Variants in TNFRSF19 observed in about 807,000 individuals in gnomAD.
TNFRSF19 encodes TNF receptor superfamily member 19, also known as tumor necrosis factor receptor superfamily member 19.
In TNFRSF19, 27 loss-of-function variants were observed where a neutral mutation model predicts 46.4. That is an observed-to-expected ratio of 0.58 (90% confidence interval 0.43 to 0.80). TNFRSF19 has a LOEUF of 0.80. TNFRSF19 is among the 30% of genes least tolerant of loss of function. The pLI is 0.00. For synonymous variants in TNFRSF19, 204 were observed against 205.0 expected, an observed-to-expected ratio of 1.00 and a Z score of 0.04; for missense variants, 511 against 530.8, an observed-to-expected ratio of 0.96 and a Z score of 0.37.
chr13:23,674,359 C>T lies in TNFRSF19; in HGVS notation c.*979C>T, dbSNP rs1028285213. 1.3e-5 allele frequency: 2 copies of T among 152,166 alleles called. No homozygotes were observed. Among genetic ancestry groups the T allele is most frequent in the South Asian group, 4.1e-4 (2 of 4,832 alleles). The allele number at this position is 152,166 out of a possible 1,614,324, so 9.4% of individuals were successfully genotyped here. Reference sequence around the variant, plus strand: ...TGAAGTAGCCTTCCGTGAGAACACACCACATGTTAGGACTAGAAGAAAATG... The same window carrying T: ...TGAAGTAGCCTTCCGTGAGAACACATCACATGTTAGGACTAGAAGAAAATG... On this transcript the variant is annotated 3_prime_UTR_variant, in exon 10 of 10. Transcript: ENST00000248484.
intron 3 of TNFRSF19, among the ~76,000 whole-genome samples, chr13:23,613,864 C>A (rs2871989): frequency 1.3e-5 from 2 of 152,134 alleles, no homozygotes; most frequent in African/African-American, 4.8e-5. Context: ...ATGATCACCC[C>A]GCAAAGACCC....
intron 3 of TNFRSF19, among the ~76,000 whole-genome samples, chr13:23,608,416 T>C (rs1320093428): frequency 6.6e-6 from 1 of 152,246 alleles, no homozygotes; most frequent in Admixed American, 6.5e-5. Context: ...ACAACATATG[T>C]TTTAAATAGG....
chr13:23,613,024 A>G (rs1435941808), intron 3 of TNFRSF19, among the ~76,000 whole-genome samples: 1 of 152,244 alleles, frequency 6.6e-6, no homozygotes, highest in Non-Finnish European at 1.5e-5. Flanking sequence ...TTTGTGTTCC[A>G]CTAAACTTGT....
chr13:23,590,344 A>AT (rs1008447408), intron 2 of TNFRSF19, 92 bp downstream of exon 2: 172 of 785,490 alleles, frequency 2.2e-4, no homozygotes, highest in Non-Finnish European at 2.6e-4. Flanking sequence ...TTTATTTTTT[A>AT]TTTTTTTTGA....
intron 5 of TNFRSF19, among the ~76,000 whole-genome samples, chr13:23,648,506 A>G (rs1883454404): frequency 2.0e-5 from 3 of 152,146 alleles, no homozygotes; most frequent in African/African-American, 7.2e-5. Flanking sequence ...ATCGTTTTCA[A>G]CATGTAAGGT....
At chr13:23,665,428 T>A (rs1951610947) in intron 7 of TNFRSF19, among the ~76,000 whole-genome samples, 1 of 152,220 alleles carries the variant, frequency 6.6e-6, no homozygotes, top group Admixed American at 6.5e-5. Context: ...TCAGTGCAGC[T>A]TATTTCAAAT....
chr13:23,593,441 A>C lies in TNFRSF19; in HGVS notation c.166A>C (p.Met56Leu), dbSNP rs769440982. 5.0e-6 allele frequency: 8 copies of C among 1,603,000 alleles called. No homozygotes were observed. Among genetic ancestry groups the C allele is most frequent in the Non-Finnish European group, 6.8e-6 (8 of 1,177,148 alleles). Residue 56 changes from methionine (M) to leucine (L), a missense_variant, in exon 3 of 10, where the codon ATG becomes CTG. Met to Leu is a conservative substitution (Grantham distance 15, BLOSUM62 2). This residue lies in a region of TNFRSF19 where 121 missense variants were observed against 124.1 expected (regional missense o/e 0.98). Coordinates refer to ENST00000248484, the MANE Select transcript of TNFRSF19 (RefSeq NM_148957.4). ...TCCCTGCAACCAGTGTGGGCCAGGC[A>C]TGGAGTTGTCTAAGGTATATTGGAT... ...CVPCNQCGPGMELSKECGFGY... is the reference protein window; with the variant it reads ...CVPCNQCGPGLELSKECGFGY...
intron 5 of TNFRSF19, among the ~76,000 whole-genome samples, chr13:23,635,947 T>C (rs1341940283): frequency 1.3e-5 from 2 of 152,240 alleles, no homozygotes; most frequent in Non-Finnish European, 2.9e-5. Context: ...GTATAACTTA[T>C]GTAATCATTT....
At chr13:23,582,062 G>T (rs1878475153) in intron 1 of TNFRSF19, among the ~76,000 whole-genome samples, 1 of 151,998 alleles carries the variant, frequency 6.6e-6, no homozygotes, top group African/African-American at 2.4e-5. Context: ...AAATATATTT[G>T]TCCTGTGGCA....
rs1053068859 is a variant in TNFRSF19, at chr13:23,590,604, G to A, written c.69+352G>A. ...CCTGCTTTGGCCTCCCAAAGTGCCG[G>A]GATTACAGGCATGAGCCACCACCCC... On this transcript the variant is annotated intron_variant, in intron 2 of 9. Transcript: ENST00000248484. 3.3e-5 allele frequency among the ~76,000 whole-genome samples: 5 copies of A among 152,036 alleles called. No homozygotes were observed. The East Asian group carries it at 9.6e-4, about 29-fold the overall frequency.
At chr13:23,574,692 C>A (rs1035270960) in intron 1 of TNFRSF19, among the ~76,000 whole-genome samples, 2 of 152,160 alleles carry the variant, frequency 1.3e-5, no homozygotes, top group African/African-American at 2.4e-5. Flanking sequence ...ATTTTGTCCC[C>A]TTTAAAGGAT....
Position 23,660,417 on chromosome 13 carries a change from T to C in TNFRSF19, c.663T>C (p.Phe221=). The C allele has an allele frequency of 6.2e-7, 1 of 1,613,958 alleles. No individual in the cohort carries two copies. The highest frequency in any genetic ancestry group is 8.5e-7 in the Non-Finnish European group (1 of 1,180,026). ...IQYNGSELSC[F]DRPQLHEYAH... ...ACAACGGCTCTGAGCTGTCGTGTTT[T>C]GACAGACCTCAGCTCCACGAATATG... The change falls in exon 7 of 10, where the codon TTT becomes TTC. Residue 221 remains phenylalanine, a synonymous_variant. Transcript: ENST00000248484.
At chr13:23,622,131 G>A (rs1022082411) in intron 4 of TNFRSF19, among the ~76,000 whole-genome samples, 11 of 152,172 alleles carry the variant, frequency 7.2e-5, no homozygotes, top group Admixed American at 1.3e-4. Context: ...CAGGCCTGGC[G>A]TGGTGGTCAC....
intron 5 of TNFRSF19, among the ~76,000 whole-genome samples, chr13:23,645,963 T>C (rs751936462): frequency 3.9e-5 from 6 of 152,222 alleles, no homozygotes; most frequent in Non-Finnish European, 8.8e-5. Context: ...TCCAGTGGTT[T>C]ACTCTAAAAC....
At chr13:23,644,445 G>A (rs182994827) in intron 5 of TNFRSF19, among the ~76,000 whole-genome samples, 6 of 152,226 alleles carry the variant, frequency 3.9e-5, no homozygotes, top group Non-Finnish European at 8.8e-5. Flanking sequence ...CCTTGCTGCC[G>A]CCATGTGAAG....
intron 3 of TNFRSF19, among the ~76,000 whole-genome samples, chr13:23,608,974 G>T (rs139184849): frequency 1.5e-3 from 234 of 152,264 alleles, no homozygotes; most frequent in Admixed American, 2.5e-3. Context: ...CATGCCAGAT[G>T]CTGTTGCCCT....
chr13:23,656,887 G>T (rs762692920), intron 5 of TNFRSF19, among the ~76,000 whole-genome samples: 12 of 152,106 alleles, frequency 7.9e-5, no homozygotes, highest in Non-Finnish European at 1.6e-4. Flanking sequence ...AGCTGTGCTT[G>T]TGCTCATATG....
chr13:23,602,414 C>T (rs9553014), intron 3 of TNFRSF19, among the ~76,000 whole-genome samples: 51,335 of 151,928 alleles, frequency 0.34, 9,070 homozygotes, highest in East Asian at 0.54. Flanking sequence ...AAATCCACTA[C>T]TGTAGTTGGA....
intron 3 of TNFRSF19, among the ~76,000 whole-genome samples, chr13:23,609,901 G>C (rs1880780566): frequency 6.6e-6 from 1 of 152,170 alleles, no homozygotes; most frequent in African/African-American, 2.4e-5. Flanking sequence ...ATATTAACGA[G>C]CCCTTGCTTG....
Sources: allele counts gnomAD v4.1 joint callset (sites outside exome capture counted in the v4.1 genomes callset), GRCh38; gene constraint gnomAD v4.1.1; regional missense constraint gnomAD v4.1.1; transcripts MANE v1.5; gene names NCBI Gene and HGNC (gene_info 2026-07-23, HGNC 2026-07-21).